Variants in KCND2 observed in about 807,000 individuals in gnomAD.
The protein encoded by KCND2 is potassium voltage-gated channel subfamily D member 2.
A neutral mutation model predicts 54.4 loss-of-function variants in KCND2; 16 were observed. That is an observed-to-expected ratio of 0.29 (90% confidence interval 0.20 to 0.45). The LOEUF (loss-of-function observed/expected upper bound fraction) is 0.45. Ranked by LOEUF, KCND2 falls within the 20% of genes least tolerant of loss-of-function variation. KCND2 has a pLI of 1.00. For missense variants in KCND2, 486 were observed against 824.2 expected (o/e 0.59, Z 5.02); for synonymous variants, 317 against 310.7 (o/e 1.02, Z -0.21).
At chr7:120,628,964 G>A (rs1243911380) in intron 1 of KCND2, among the ~76,000 whole-genome samples, 1 of 152,132 alleles carries the variant, frequency 6.6e-6, no homozygotes, top group Non-Finnish European at 1.5e-5. Context: ...TCTAGTCAGG[G>A]AATAAAGACA....
intron 1 of KCND2, among the ~76,000 whole-genome samples, chr7:120,609,993 C>T (rs1584852890): frequency 6.6e-6 from 1 of 152,046 alleles, no homozygotes; most frequent in African/African-American, 2.4e-5. Flanking sequence ...TGCTATTTTT[C>T]GATAATTTGG....
chr7:120,362,015 C>A (rs1269790939), intron 1 of KCND2, among the ~76,000 whole-genome samples: 1 of 151,884 alleles, frequency 6.6e-6, no homozygotes, highest in African/African-American at 2.4e-5. Context: ...AAATTATAAC[C>A]AAATCCATAA....
intron 4 of KCND2, among the ~76,000 whole-genome samples, chr7:120,744,185 C>A (rs1388832605): frequency 6.6e-6 from 1 of 152,064 alleles, no homozygotes; most frequent in Admixed American, 6.6e-5. Flanking sequence ...TTGCTTGAAC[C>A]CAGGAGGCAG....
At chr7:120,319,727 T>A (rs1267912057) in intron 1 of KCND2, among the ~76,000 whole-genome samples, 3 of 152,152 alleles carry the variant, frequency 2.0e-5, no homozygotes, top group Admixed American at 2.0e-4. Flanking sequence ...ATAAGTTGTG[T>A]CAAGAAACTA....
chr7:120,640,998 G>C (rs1452824646), intron 1 of KCND2, among the ~76,000 whole-genome samples: 1 of 152,178 alleles, frequency 6.6e-6, no homozygotes, highest in African/African-American at 2.4e-5. Flanking sequence ...TGAAGACTGT[G>C]TTGATGATAT....
In KCND2 at chr7:120,391,396, T is replaced by C. The variant is rs148630450; in HGVS notation, c.1115+115649T>C. On this transcript the variant is annotated intron_variant, in intron 1 of 5. Coordinates refer to ENST00000331113, the MANE Select transcript of KCND2 (RefSeq NM_012281.3). ...AAACGTATGTGTGCATGTGTCTTTA[T>C]AGCAGAATGATTTATAATCTTCTGG... Among the ~76,000 whole-genome samples, 1,264 of 152,266 alleles carry C rather than the reference T, an allele frequency of 8.3e-3. 15 individuals are homozygous for C. The highest frequency in any genetic ancestry group is 0.029 in the African/African-American group (1,196 of 41,540).
chr7:120,690,893 TAAAGAA>T (rs1469428431), intron 1 of KCND2, among the ~76,000 whole-genome samples: 2 of 152,162 alleles, frequency 1.3e-5, no homozygotes, highest in South Asian at 2.1e-4. Flanking sequence ...ATGCATGCTA[TAAAGAA>T]AAAGAAAACG....
At chr7:120,741,017 A>T (rs1205345167) in intron 2 of KCND2, 1 of 333,098 alleles carries the variant, frequency 3.0e-6, no homozygotes, top group African/African-American at 2.2e-5. Context: ...TTTATATTGG[A>T]GGATGCAGAT....
intron 1 of KCND2, among the ~76,000 whole-genome samples, chr7:120,333,636 C>G (rs958918011): frequency 1.3e-5 from 2 of 152,050 alleles, no homozygotes; most frequent in Non-Finnish European, 2.9e-5. Flanking sequence ...TTCCAGAATA[C>G]AGTGTGCTGA....
At chr7:120,607,963 A>T (rs1792903151) in intron 1 of KCND2, among the ~76,000 whole-genome samples, 2 of 152,086 alleles carry the variant, frequency 1.3e-5, no homozygotes, top group Non-Finnish European at 2.9e-5. Context: ...TAAGATTTAA[A>T]GATTAAGCTT....
At chr7:120,459,784 C>G (rs563601153) in intron 1 of KCND2, among the ~76,000 whole-genome samples, 1 of 152,164 alleles carries the variant, frequency 6.6e-6, no homozygotes, top group Non-Finnish European at 1.5e-5. Context: ...AATTTATTTT[C>G]CTAGTAATTT....
intron 1 of KCND2, among the ~76,000 whole-genome samples, chr7:120,590,681 G>C (rs1021705209): frequency 6.6e-6 from 1 of 152,152 alleles, no homozygotes; most frequent in African/African-American, 2.4e-5. Context: ...CACATCTTTT[G>C]TGAGGCATTC....
chr7:120,395,945 G>T (rs976137443), intron 1 of KCND2, among the ~76,000 whole-genome samples: 1 of 152,000 alleles, frequency 6.6e-6, no homozygotes, highest in Non-Finnish European at 1.5e-5. Context: ...TCGTCCTCAT[G>T]CAAGTAAACT....
chr7:120,321,291 C>A (rs1025764667), intron 1 of KCND2, among the ~76,000 whole-genome samples: 2 of 151,992 alleles, frequency 1.3e-5, no homozygotes, highest in Admixed American at 6.6e-5. Flanking sequence ...TTTCTGTATT[C>A]ATCTTTGGAT....
At chr7:120,653,291 C>A (rs949466263) in intron 1 of KCND2, among the ~76,000 whole-genome samples, 1 of 151,714 alleles carries the variant, frequency 6.6e-6, no homozygotes, top group Non-Finnish European at 1.5e-5. Context: ...AGTGATCCAC[C>A]CTTCTCGGCC....
At chr7:120,686,544 G>A (rs1792204127) in intron 1 of KCND2, among the ~76,000 whole-genome samples, 1 of 152,132 alleles carries the variant, frequency 6.6e-6, no homozygotes, top group African/African-American at 2.4e-5. Flanking sequence ...AGGAGCGAAA[G>A]TTTATTAAAA....
intron 1 of KCND2, among the ~76,000 whole-genome samples, chr7:120,525,762 G>A (rs578198276): frequency 4.7e-4 from 72 of 152,230 alleles, no homozygotes; most frequent in African/African-American, 1.6e-3. Flanking sequence ...TGAATTAATG[G>A]AAGAAGTAAA....
At chr7:120,458,985 T>A (rs980768503) in intron 1 of KCND2, among the ~76,000 whole-genome samples, 1 of 151,434 alleles carries the variant, frequency 6.6e-6, no homozygotes, top group African/African-American at 2.4e-5. Flanking sequence ...TCTAATATAT[T>A]ATTATTATTT....
intron 1 of KCND2, among the ~76,000 whole-genome samples, chr7:120,611,121 A>C (rs904256873): frequency 1.3e-5 from 2 of 152,228 alleles, no homozygotes; most frequent in African/African-American, 4.8e-5. Flanking sequence ...CTGCACCATT[A>C]AATGAAAGCT....
Sources: allele counts gnomAD v4.1 joint callset (sites outside exome capture counted in the v4.1 genomes callset), GRCh38; gene constraint gnomAD v4.1.1; transcripts MANE v1.5; gene names NCBI Gene and HGNC (gene_info 2026-07-23, HGNC 2026-07-21).